The following TEX14 variants were observed in gnomAD, a reference collection of about 807,000 sequenced individuals.
The protein encoded by TEX14 is inactive serine/threonine-protein kinase TEX14.
In TEX14, 168 loss-of-function variants were observed where a neutral mutation model predicts 178.6. The observed-to-expected ratio is 0.94, with a 90% CI of 0.83 to 1.07. The LOEUF (loss-of-function observed/expected upper bound fraction) is 1.07. Among genes scored for constraint, TEX14 ranks in the 50% least tolerant of loss-of-function variants. TEX14 has a pLI of 0.00. For missense variants in TEX14, 1,730 were observed against 1,753.6 expected (o/e 0.99, Z 0.24); for synonymous variants, 626 against 634.1 (o/e 0.99, Z 0.19).
chr17:58,676,947 T>C (rs2047405120), intron 1 of TEX14, among the ~76,000 whole-genome samples: 1 of 151,748 alleles, frequency 6.6e-6, no homozygotes. Flanking sequence ...CGAAACCCCG[T>C]CTCTACTAAA....
intron 1 of TEX14, among the ~76,000 whole-genome samples, chr17:58,687,780 C>CT (rs1168229142): frequency 6.6e-6 from 1 of 152,184 alleles, no homozygotes; most frequent in Non-Finnish European, 1.5e-5. Flanking sequence ...TTGGAATACT[C>CT]TGACAGGTTA....
chr17:58,602,049 C>T (rs2045465451), intron 12 of TEX14, 93 bp from the exon 13 acceptor site: 1 of 1,348,528 alleles, frequency 7.4e-7, no homozygotes, highest in Admixed American at 2.0e-5. Flanking sequence ...GATAAACTCC[C>T]TCTTATTCCT....
chr17:58,670,888 A>T (rs2047295084), intron 1 of TEX14, among the ~76,000 whole-genome samples: 2 of 152,056 alleles, frequency 1.3e-5, no homozygotes, highest in South Asian at 4.1e-4. Flanking sequence ...TACATACAGT[A>T]ATGCATATAT....
intron 10 of TEX14, among the ~76,000 whole-genome samples, chr17:58,605,356 G>A (rs552851321): frequency 2.6e-5 from 4 of 152,222 alleles, no homozygotes; most frequent in African/African-American, 4.8e-5. Flanking sequence ...CACCAGGCCC[G>A]GCTAATTTTT....
chr17:58,603,887 CTGTGTGTGTGTGTGTGTGTGTG>C lies in TEX14; in HGVS notation c.1336+1069_1336+1090del, dbSNP rs71143257. Among the ~76,000 whole-genome samples, 412 of 105,292 alleles carry C rather than the reference CTGTGTGTGTGTGTGTGTGTGTG, an allele frequency of 3.9e-3. 3 individuals carry two copies. Among genetic ancestry groups the C allele is most frequent in the Middle Eastern group, 0.032 (6 of 186 alleles). 69.1% of individuals were successfully genotyped at this position (105,292 alleles called of 152,430 possible). On this transcript the variant is annotated intron_variant, in intron 11 of 31. Transcript: ENST00000349033. ...AAAAGCAGCCCTTAATGTGATTTTA[CTGTGTGTGTGTGTGTGTGTGTG>C]TGTGTGTGTGTGTGTGTGTGTGTGT...
At chr17:58,643,802 G>A (rs1388374338) in intron 2 of TEX14, among the ~76,000 whole-genome samples, 2 of 148,412 alleles carry the variant, frequency 1.3e-5, no homozygotes, top group Non-Finnish European at 3.0e-5. Flanking sequence ...AACCCAGGAG[G>A]TGGAGGTTGC....
chr17:58,583,172 C>T (rs1456548117), intron 19 of TEX14, among the ~76,000 whole-genome samples: 1 of 151,152 alleles, frequency 6.6e-6, no homozygotes, highest in Admixed American at 6.6e-5. Context: ...TCACTCTGTC[C>T]CCCAGGCTGG....
chr17:58,645,377 G>C (rs1027703171), intron 2 of TEX14, among the ~76,000 whole-genome samples: 12 of 139,360 alleles, frequency 8.6e-5, no homozygotes. Flanking sequence ...TTTTTTTTTT[G>C]AGACGGAGTC....
In TEX14 at chr17:58,613,536, CGCAGCTTGCT is replaced by C. The variant is rs2045797867; in HGVS notation, c.882-2_889del. The C allele has an allele frequency of 1.2e-6, 2 of 1,613,408 alleles. No individual in the cohort carries two copies. The highest frequency in any genetic ancestry group is 1.7e-5 in the Admixed American group (1 of 59,884). On this transcript the variant is annotated splice_acceptor_variant and coding_sequence_variant, in exon 9 of 32. Transcript: ENST00000349033. LOFTEE classifies it high-confidence loss of function. ...CATCAACTGTAGCAAGTAGGGGTGC[CGCAGCTTGCT>C]GCAAAAGAAAAGAAGCTTCAGATAA...
chr17:58,624,201 GTA>G (rs2046077804), intron 3 of TEX14, among the ~76,000 whole-genome samples: 1 of 151,878 alleles, frequency 6.6e-6, no homozygotes. Context: ...TAAGAATGGC[GTA>G]ATGGCATAAA....
intron 1 of TEX14, among the ~76,000 whole-genome samples, chr17:58,684,507 C>T (rs2047557880): frequency 6.6e-6 from 1 of 151,110 alleles, no homozygotes. Context: ...CATGGTGACA[C>T]GTGCCTGTTC....
intron 11 of TEX14, among the ~76,000 whole-genome samples, chr17:58,604,395 C>T (rs1053998320): frequency 6.6e-6 from 1 of 150,710 alleles, no homozygotes; most frequent in African/African-American, 2.4e-5. Context: ...CGCTTGGACC[C>T]GGGAGGCAGA....
intron 14 of TEX14, among the ~76,000 whole-genome samples, chr17:58,594,159 T>C (rs760293939): frequency 1.5e-4 from 23 of 151,954 alleles, no homozygotes; most frequent in Non-Finnish European, 2.9e-4. Flanking sequence ...CCCAGAAATG[T>C]TGGTCTCCAG....
intron 15 of TEX14, among the ~76,000 whole-genome samples, chr17:58,591,765 A>G (rs966854027): frequency 6.6e-6 from 1 of 151,808 alleles, no homozygotes. Context: ...CTGTCGTGAA[A>G]AACATATATT....
intron 3 of TEX14, among the ~76,000 whole-genome samples, chr17:58,629,595 C>T (rs918505549): frequency 6.6e-6 from 1 of 151,812 alleles, no homozygotes; most frequent in Non-Finnish European, 1.5e-5. Context: ...GAGGCCAAGG[C>T]GGGCAGATCA....
chr17:58,665,671 C>T (rs2047190977), intron 1 of TEX14, among the ~76,000 whole-genome samples: 1 of 151,792 alleles, frequency 6.6e-6, no homozygotes, highest in South Asian at 2.1e-4. Context: ...TAAATGATAG[C>T]AAGGTACAGC....
At chr17:58,665,865 G>A (rs2047194123) in intron 1 of TEX14, among the ~76,000 whole-genome samples, 1 of 152,064 alleles carries the variant, frequency 6.6e-6, no homozygotes. Flanking sequence ...GACCAACGTA[G>A]TGAAAACTCG....
intron 1 of TEX14, among the ~76,000 whole-genome samples, chr17:58,691,222 T>C (rs2047710379): frequency 6.6e-6 from 1 of 152,142 alleles, no homozygotes; most frequent in Non-Finnish European, 1.5e-5. Context: ...TTATCTTCCT[T>C]TTGGCATGGC....
Position 58,585,955 on chromosome 17 carries a change from G to A in TEX14, c.2916C>T (p.Pro972=), listed in dbSNP as rs757697957. The A allele has an allele frequency of 5.0e-6, 8 of 1,613,962 alleles. No individual in the cohort carries two copies. The Middle Eastern group carries it at 8.2e-4, about 166-fold the overall frequency. Reference sequence around the variant, plus strand: ...AATCCGTGTTTTCTGGGCTCCTAATGGGGGGCTGCAGCAGGGCGTCGGGCT... The same window carrying A: ...AATCCGTGTTTTCTGGGCTCCTAATAGGGGGCTGCAGCAGGGCGTCGGGCT... ...ENEPDALLQP[P]IRSPENTDWQ... Residue 972 remains proline (P), a synonymous_variant, in exon 18 of 32, where the codon CCC becomes CCT. Transcript: ENST00000349033.
Sources: gnomAD v4.1 joint callset for allele counts (sites outside exome capture counted in the v4.1 genomes callset) on GRCh38, gnomAD v4.1.1 for gene constraint, MANE v1.5 for transcripts, NCBI Gene and HGNC (gene_info 2026-07-23, HGNC 2026-07-21) for gene names.